SETBP1: variants seen among roughly 807,000 people sequenced by gnomAD.
The protein encoded by SETBP1 is SET binding protein 1.
In SETBP1, 9 loss-of-function variants were observed where a neutral mutation model predicts 101.0. The ratio of observed to expected loss-of-function variants is 0.09; its 90% confidence interval spans 0.05 to 0.16. SETBP1 has a LOEUF of 0.16. Ranked by LOEUF, SETBP1 falls within the 10% of genes least tolerant of loss-of-function variation. SETBP1 has a pLI of 1.00. For synonymous variants in SETBP1, 818 were observed against 788.5 expected (o/e 1.04, Z -0.63); for missense variants, 1,858 against 2,033.8 (o/e 0.91, Z 1.66).
At chr18:44,874,677 C>T (rs1197754274) in intron 3 of SETBP1, among the ~76,000 whole-genome samples, 1 of 152,104 alleles carries the variant, frequency 6.6e-6, no homozygotes, top group Non-Finnish European at 1.5e-5. Context: ...GGAGGAAGAA[C>T]GATTAAGTGT....
rs143898614 is a variant in SETBP1 at position 44,998,191 on chromosome 18, C to T, written c.4001-40294C>T. On this transcript the variant is annotated intron_variant, in intron 4 of 5. Transcript: ENST00000649279. ...TTCTTGTTATAATACAATGATGGTT[C>T]GGGGCAGAGAGGACAACATGGAATC... 1.2e-4 allele frequency among the ~76,000 whole-genome samples: 19 copies of T among 152,272 alleles called. No individual in the cohort carries two copies. In the East Asian group the frequency reaches 3.1e-3, roughly 25 times the overall value.
intron 2 of SETBP1, among the ~76,000 whole-genome samples, chr18:44,834,154 G>A (rs772999350): frequency 3.3e-5 from 5 of 151,822 alleles, no homozygotes; most frequent in Admixed American, 6.6e-5. Context: ...GTGTGGATCC[G>A]TTGTATATAG....
intron 3 of SETBP1, among the ~76,000 whole-genome samples, chr18:44,882,635 A>G (rs1444095013): frequency 1.3e-5 from 2 of 152,054 alleles, no homozygotes; most frequent in African/African-American, 4.8e-5. Flanking sequence ...GGACTCCTCA[A>G]GCCCTCCTTC....
In SETBP1 at chr18:44,784,694, C is replaced by A. The variant is rs188115725; in HGVS notation, c.486+82862C>A. 1.2e-4 allele frequency among the ~76,000 whole-genome samples: 19 copies of A among 152,264 alleles called. No individual in the cohort carries two copies. The East Asian group carries it at 3.5e-3, about 28-fold the overall frequency. ...TTGCTCTACGTTGTATACCAAACACCCAGAACAGTGCTTTGCACATAGTAG... is the reference window on the plus strand; with the variant it reads ...TTGCTCTACGTTGTATACCAAACACACAGAACAGTGCTTTGCACATAGTAG... On this transcript the variant is annotated intron_variant, in intron 2 of 5. Coordinates refer to ENST00000649279, the MANE Select transcript of SETBP1 (RefSeq NM_015559.3).
At chr18:44,949,645 G>T (rs1431114711) in intron 3 of SETBP1, among the ~76,000 whole-genome samples, 1 of 152,170 alleles carries the variant, frequency 6.6e-6, no homozygotes, top group African/African-American at 2.4e-5. Context: ...AGGGATAAAA[G>T]ACAACAATTA....
At chr18:44,769,328 T>C (rs2070826385) in intron 2 of SETBP1, among the ~76,000 whole-genome samples, 1 of 152,254 alleles carries the variant, frequency 6.6e-6, no homozygotes, top group Non-Finnish European at 1.5e-5. Flanking sequence ...TACTCTTTAG[T>C]ATTGGTTCTA....
chr18:44,736,022 A>G (rs917816339), intron 2 of SETBP1, among the ~76,000 whole-genome samples: 6 of 152,098 alleles, frequency 3.9e-5, no homozygotes. Context: ...CATGAAGAAC[A>G]TTTTTACCTC....
At chr18:44,705,033 T>A (rs1468200376) in intron 2 of SETBP1, among the ~76,000 whole-genome samples, 2 of 152,214 alleles carry the variant, frequency 1.3e-5, no homozygotes, top group Non-Finnish European at 2.9e-5. Context: ...GAGCTGCTAG[T>A]GATTCCTACT....
intron 3 of SETBP1, among the ~76,000 whole-genome samples, chr18:44,949,204 G>A (rs760279839): frequency 4.6e-4 from 70 of 152,028 alleles, no homozygotes; most frequent in Admixed American, 7.9e-4. Context: ...CCGTGCCCTC[G>A]ATTGGCCCAC....
At chr18:44,975,521 A>T (rs1421619208) in intron 4 of SETBP1, among the ~76,000 whole-genome samples, 2 of 152,212 alleles carry the variant, frequency 1.3e-5, no homozygotes, top group Non-Finnish European at 2.9e-5. Flanking sequence ...CAAAGTGAAG[A>T]TACTGTACCT....
chr18:44,799,156 A>G (rs1208035663), intron 2 of SETBP1, among the ~76,000 whole-genome samples: 1 of 152,202 alleles, frequency 6.6e-6, no homozygotes, highest in Non-Finnish European at 1.5e-5. Flanking sequence ...CAGAATTATG[A>G]CTGTCATTAA....
At chr18:44,933,738 A>G (rs1175729045) in intron 3 of SETBP1, among the ~76,000 whole-genome samples, 1 of 152,048 alleles carries the variant, frequency 6.6e-6, no homozygotes, top group Non-Finnish European at 1.5e-5. Context: ...TGGGTGTGGT[A>G]CCCTCCGAGC....
chr18:44,853,500 A>G (rs545262500), intron 2 of SETBP1, among the ~76,000 whole-genome samples: 3 of 152,282 alleles, frequency 2.0e-5, no homozygotes, highest in East Asian at 1.9e-4. Context: ...AAACATCCCT[A>G]TGAGGTAGCT....
chr18:44,759,420 T>C (rs565571861), intron 2 of SETBP1, among the ~76,000 whole-genome samples: 2 of 152,324 alleles, frequency 1.3e-5, no homozygotes, highest in South Asian at 2.1e-4. Context: ...CTGAAAGAGC[T>C]TTCCGGGTCT....
intron 3 of SETBP1, among the ~76,000 whole-genome samples, chr18:44,918,631 A>G (rs537613366): frequency 6.6e-6 from 1 of 152,354 alleles, no homozygotes; most frequent in South Asian, 2.1e-4. Context: ...TGGATCAGAT[A>G]TCCTCAAAGG....
At chr18:44,931,776 G>A (rs1285799155) in intron 3 of SETBP1, among the ~76,000 whole-genome samples, 1 of 151,498 alleles carries the variant, frequency 6.6e-6, no homozygotes, top group South Asian at 2.1e-4. Flanking sequence ...GCTTTTTTTT[G>A]TTTTCCATTT....
intron 2 of SETBP1, among the ~76,000 whole-genome samples, chr18:44,784,199 G>A (rs2071192373): frequency 6.6e-6 from 1 of 152,226 alleles, no homozygotes; most frequent in Admixed American, 6.5e-5. Flanking sequence ...GTTCTTTCAT[G>A]TAAAATAAGC....
chr18:44,756,930 A>G (rs1234654068), intron 2 of SETBP1, among the ~76,000 whole-genome samples: 2 of 151,942 alleles, frequency 1.3e-5, no homozygotes, highest in Non-Finnish European at 2.9e-5. Context: ...GGATTTCTTG[A>G]TTTTTCAAAA....
chr18:44,882,003 C>T (rs2069540793), intron 3 of SETBP1, among the ~76,000 whole-genome samples: 1 of 152,008 alleles, frequency 6.6e-6, no homozygotes. Flanking sequence ...GAGAGACTTG[C>T]CAAGAGTTCA....
Sources: allele counts gnomAD v4.1 joint callset (sites outside exome capture counted in the v4.1 genomes callset), GRCh38; gene constraint gnomAD v4.1.1; transcripts MANE v1.5; gene names NCBI Gene and HGNC (gene_info 2026-07-23, HGNC 2026-07-21).